Variants in CAMTA1 observed in about 807,000 individuals in gnomAD.
The protein encoded by CAMTA1 is calmodulin-binding transcription activator 1.
Under a neutral mutation model 170.9 loss-of-function variants are expected in CAMTA1, and 27 were observed. The ratio of observed to expected loss-of-function variants is 0.16; its 90% CI spans 0.12 to 0.22. CAMTA1 has a LOEUF of 0.22. Ranked by LOEUF, CAMTA1 falls within the 10% of genes least tolerant of loss-of-function variation. CAMTA1 has a pLI of 1.00. For missense variants in CAMTA1, 1,619 were observed against 2,217.2 expected (o/e 0.73, Z 5.42); for synonymous variants, 833 against 891.5 (o/e 0.93, Z 1.17).
chr1:7,090,259 G>C (rs920054359), intron 3 of CAMTA1, among the ~76,000 whole-genome samples: 1 of 152,166 alleles, frequency 6.6e-6, no homozygotes, highest in Admixed American at 6.5e-5. Context: ...TAGCATCTCT[G>C]GTCACTGGTG....
At chr1:7,488,667 A>G (rs2093654917) in intron 6 of CAMTA1, among the ~76,000 whole-genome samples, 1 of 152,172 alleles carries the variant, frequency 6.6e-6, no homozygotes, top group South Asian at 2.1e-4. Flanking sequence ...ACACATATAA[A>G]CACTTGCATA....
intron 1 of CAMTA1, among the ~76,000 whole-genome samples, chr1:6,813,631 T>G: frequency 6.6e-6 from 1 of 152,122 alleles, no homozygotes; most frequent in East Asian, 1.9e-4. Context: ...TTTTAAAAAT[T>G]TTTTTTAGAG....
At chr1:7,521,741 G>C (rs1447432668) in intron 6 of CAMTA1, among the ~76,000 whole-genome samples, 1 of 152,134 alleles carries the variant, frequency 6.6e-6, no homozygotes, top group Non-Finnish European at 1.5e-5. Context: ...TAGAGACGGA[G>C]TTTCACCATG....
chr1:6,791,793 C>T (rs955411543), intron 1 of CAMTA1, among the ~76,000 whole-genome samples: 5 of 152,088 alleles, frequency 3.3e-5, no homozygotes, highest in Non-Finnish European at 7.4e-5. Flanking sequence ...TAATCAGGTT[C>T]GAGCTAGAGG....
At chr1:7,386,740 C>T (rs2088038791) in intron 5 of CAMTA1, among the ~76,000 whole-genome samples, 1 of 152,162 alleles carries the variant, frequency 6.6e-6, no homozygotes, top group Non-Finnish European at 1.5e-5. Context: ...GCAACAGCTC[C>T]TGTTTCCCAA....
intron 3 of CAMTA1, among the ~76,000 whole-genome samples, chr1:6,961,371 C>T (rs987068567): frequency 6.6e-6 from 1 of 152,192 alleles, no homozygotes; most frequent in Non-Finnish European, 1.5e-5. Context: ...GAGCTCTGCA[C>T]GTCACGTCCC....
chr1:7,540,203 G>A (rs554554606), intron 6 of CAMTA1, among the ~76,000 whole-genome samples: 12 of 152,238 alleles, frequency 7.9e-5, no homozygotes, highest in Admixed American at 5.9e-4. Context: ...GCGACTCAAT[G>A]AATAATTAAT....
At chr1:7,658,718 C>T (rs567382205) in intron 7 of CAMTA1, among the ~76,000 whole-genome samples, 2 of 152,336 alleles carry the variant, frequency 1.3e-5, no homozygotes, top group East Asian at 3.9e-4. Context: ...GTCCTTTCTG[C>T]AGTAATCTGT....
At chr1:6,874,070 C>A (rs981455161) in intron 3 of CAMTA1, 2 of 152,196 alleles carry the variant, frequency 1.3e-5, no homozygotes, top group South Asian at 4.1e-4. Flanking sequence ...TCTGTTTTAT[C>A]CTCTGTGAAA....
At chr1:7,244,918 ATAAAT>A (rs1171927469) in intron 4 of CAMTA1, among the ~76,000 whole-genome samples, 3 of 151,932 alleles carry the variant, frequency 2.0e-5, no homozygotes, top group African/African-American at 7.3e-5. Context: ...AAATACATAA[ATAAAT>A]TAATTAATTA....
chr1:7,276,303 A>ATATATATATATATTTTTTTTTTTTTTTT, intron 5 of CAMTA1, among the ~76,000 whole-genome samples: 1 of 24,232 alleles, frequency 4.1e-5, no homozygotes, highest in African/African-American at 3.0e-4. Flanking sequence ...ATATATATAT[A>ATATATATATATATTTTTTTTTTTTTTTT]TTTTTTTTTT....
At position 7,464,630 on chromosome 1, in the gene CAMTA1, A is replaced by G. The variant is rs1006655554; in HGVS notation, c.439-3200A>G. 3.3e-5 allele frequency among the ~76,000 whole-genome samples: 5 copies of G among 152,110 alleles called. No individual in the cohort carries two copies. The East Asian group carries it at 7.7e-4, about 23-fold the overall frequency. Reference sequence around the variant, plus strand: ...GGGGAGAGGGAATCTCCTGTCCTTCACTGGCTGCTTTTCCTGCTGCTGTGC... The same window carrying G: ...GGGGAGAGGGAATCTCCTGTCCTTCGCTGGCTGCTTTTCCTGCTGCTGTGC... On this transcript the variant is annotated intron_variant, in intron 5 of 22. Transcript: ENST00000303635.
At chr1:6,794,918 T>G (rs1642112137) in intron 1 of CAMTA1, among the ~76,000 whole-genome samples, 1 of 152,030 alleles carries the variant, frequency 6.6e-6, no homozygotes, top group Admixed American at 6.6e-5. Flanking sequence ...TTTTTTTGTT[T>G]TTTCTTCCCT....
At chr1:7,058,248 T>G (rs887576547) in intron 3 of CAMTA1, among the ~76,000 whole-genome samples, 3 of 152,208 alleles carry the variant, frequency 2.0e-5, no homozygotes, top group African/African-American at 7.2e-5. Flanking sequence ...CCCCTGGGGC[T>G]GAGAGAGTTC....
At chr1:7,654,925 TAC>T (rs1353107150) in intron 7 of CAMTA1, among the ~76,000 whole-genome samples, 7 of 130,018 alleles carry the variant, frequency 5.4e-5, no homozygotes, top group South Asian at 2.5e-4. Context: ...CACCCATCTA[TAC>T]ACACACAAGC....
Position 7,681,031 on chromosome 1 carries a change from C to T in CAMTA1, c.2914+3298C>T, listed in dbSNP as rs972047341. Among the ~76,000 whole-genome samples the T allele has an allele frequency of 6.6e-6, 1 of 152,142 alleles. No individual in the cohort carries two copies. Among genetic ancestry groups the T allele is most frequent in the Non-Finnish European group, 1.5e-5 (1 of 68,022 alleles). On this transcript the variant is annotated intron_variant, in intron 11 of 22. Coordinates refer to ENST00000303635, the MANE Select transcript of CAMTA1 (RefSeq NM_015215.4). The surrounding 1 kb of genome is among the most constrained non-coding windows in gnomAD (Gnocchi z 4.6). ...GACGTCCCCAAAATCTCAGCTGGGG[C>T]GCAGCCATCCTGGGAGAGACCGGGC... is the stretch of plus-strand genomic sequence containing the variant.
chr1:7,702,169 G>C (rs2096448349), intron 11 of CAMTA1, among the ~76,000 whole-genome samples: 1 of 151,990 alleles, frequency 6.6e-6, no homozygotes, highest in African/African-American at 2.4e-5. Context: ...AACCCACTCA[G>C]CAGGGCTCAG....
intron 5 of CAMTA1, among the ~76,000 whole-genome samples, chr1:7,292,397 TG>T (rs1442618467): frequency 6.6e-6 from 1 of 152,316 alleles, no homozygotes; most frequent in Middle Eastern, 3.4e-3. Context: ...TCGGTGAATA[TG>T]TGTGTCTCCT....
rs1013054372 is a variant in CAMTA1, at chr1:7,482,008, C to T, written c.510+14107C>T. ...TACCCACTTCACCCCCAGAGGCCAC[C>T]ACTGTTCTGATTTCTCCACTATAGG... On this transcript the variant is annotated intron_variant, in intron 6 of 22. Transcript: ENST00000303635. This position sits in a 1 kb window ranked among gnomAD's most constrained non-coding sequence, Gnocchi z 4.2. Among the ~76,000 whole-genome samples, 2 of 152,202 alleles carry T rather than the reference C, an allele frequency of 1.3e-5. No homozygotes were observed. Among genetic ancestry groups the T allele is most frequent in the East Asian group, 1.9e-4 (1 of 5,182 alleles).
Sources: gnomAD v4.1 joint callset for allele counts (sites outside exome capture counted in the v4.1 genomes callset) on GRCh38, gnomAD v4.1.1 for gene constraint, Gnocchi (gnomAD v3.1) non-coding constraint, MANE v1.5 for transcripts, NCBI Gene and HGNC (gene_info 2026-07-23, HGNC 2026-07-21) for gene names.